Variants in B3GALT1 observed in about 807,000 individuals in gnomAD.
B3GALT1 encodes the protein beta-1,3-galactosyltransferase 1, also known as UDP-Gal:betaGlcNAc beta 1,3-galactosyltransferase, polypeptide 1.
A neutral mutation model predicts 23.2 loss-of-function variants in B3GALT1; 10 were observed. That is an observed-to-expected ratio of 0.43 (90% CI 0.27 to 0.73). The LOEUF is 0.73. Among genes scored for constraint, B3GALT1 ranks in the 30% least tolerant of loss-of-function variants. B3GALT1 has a pLI of 0.21. For missense variants in B3GALT1, 299 were observed against 405.4 expected (o/e 0.74, Z 2.25); for synonymous variants, 156 against 141.5 (o/e 1.10, Z -0.73).
chr2:167,607,570 A>G (rs1202703293), intron 2 of B3GALT1, among the ~76,000 whole-genome samples: 1 of 152,228 alleles, frequency 6.6e-6, no homozygotes, highest in African/African-American at 2.4e-5. Context: ...CGCAGGCAGG[A>G]GAAAGGAACA....
At position 167,755,039 on chromosome 2, in the gene B3GALT1, G is replaced by T. The variant is rs181440044; in HGVS notation, c.-351-63633G>T. On this transcript the variant is annotated intron_variant, in intron 3 of 4. Transcript: ENST00000392690. ...TAATGAGTATGTTGTAGGGGGCGGG[G>T]TGATGGTGCAGCCTAGAGCCATGCA... Among the ~76,000 whole-genome samples the T allele has an allele frequency of 1.8e-3, 271 of 152,256 alleles. 2 individuals are homozygous for T. The highest frequency in any genetic ancestry group is 6.3e-3 in the African/African-American group (263 of 41,552).
chr2:167,822,111 A>G (rs73021239), intron 4 of B3GALT1, among the ~76,000 whole-genome samples: 2,625 of 152,192 alleles, frequency 0.017, 77 homozygotes, highest in African/African-American at 0.06. Context: ...TCCCTCTAAA[A>G]ACCCTGCTTT....
At chr2:167,757,805 C>T (rs939144776) in intron 3 of B3GALT1, among the ~76,000 whole-genome samples, 4 of 152,092 alleles carry the variant, frequency 2.6e-5, no homozygotes, top group African/African-American at 9.7e-5. Flanking sequence ...CTTATAAAGC[C>T]AGCCCATAAT....
At chr2:167,818,387 A>G (rs1574279366) in intron 3 of B3GALT1, among the ~76,000 whole-genome samples, 1 of 151,958 alleles carries the variant, frequency 6.6e-6, no homozygotes, top group Non-Finnish European at 1.5e-5. Context: ...ACCATTCCTT[A>G]TTATCTCACA....
At chr2:167,348,500 A>G (rs1697259114) in intron 1 of B3GALT1, among the ~76,000 whole-genome samples, 1 of 152,198 alleles carries the variant, frequency 6.6e-6, no homozygotes, top group African/African-American at 2.4e-5. Flanking sequence ...GAAGTAATTG[A>G]TAAGAGTCTG....
Position 167,675,764 on chromosome 2 carries a change from T to G in B3GALT1, c.-352+28798T>G, listed in dbSNP as rs149973262. 8.5e-5 allele frequency among the ~76,000 whole-genome samples: 13 copies of G among 152,236 alleles called. No individual in the cohort carries two copies. In the East Asian group the frequency reaches 2.5e-3, roughly 29 times the overall value. ...TAAAATCATGCTTTTAAAAATACTTTGTGATTTCATGTGAAAACATTAGGT... is the reference window on the plus strand; with the variant it reads ...TAAAATCATGCTTTTAAAAATACTTGGTGATTTCATGTGAAAACATTAGGT... On this transcript the variant is annotated intron_variant, in intron 3 of 4. Transcript: ENST00000392690.
At chr2:167,845,754 C>T (rs1057160500) in intron 4 of B3GALT1, among the ~76,000 whole-genome samples, 7 of 151,800 alleles carry the variant, frequency 4.6e-5, no homozygotes, top group Admixed American at 6.6e-5. Flanking sequence ...GCAATGGATC[C>T]AAACCAAGAA....
intron 2 of B3GALT1, among the ~76,000 whole-genome samples, chr2:167,570,899 G>T (rs1684280203): frequency 6.6e-6 from 1 of 152,014 alleles, no homozygotes; most frequent in East Asian, 1.9e-4. Flanking sequence ...CAGTTAAAAA[G>T]AAATCTGTTC....
At chr2:167,649,947 A>G (rs1487086905) in intron 3 of B3GALT1, among the ~76,000 whole-genome samples, 1 of 152,002 alleles carries the variant, frequency 6.6e-6, no homozygotes, top group Non-Finnish European at 1.5e-5. Context: ...AATTTACAAT[A>G]CAATGTTGAA....
intron 2 of B3GALT1, among the ~76,000 whole-genome samples, chr2:167,500,940 G>A (rs1699840484): frequency 6.6e-6 from 1 of 151,936 alleles, no homozygotes; most frequent in Non-Finnish European, 1.5e-5. Context: ...ATACTATCTG[G>A]GATAGTGAGA....
intron 3 of B3GALT1, among the ~76,000 whole-genome samples, chr2:167,667,118 C>T (rs900118012): frequency 6.6e-6 from 1 of 151,972 alleles, no homozygotes; most frequent in Non-Finnish European, 1.5e-5. Flanking sequence ...TTAGCACTTC[C>T]TTCAGGAGCT....
intron 3 of B3GALT1, among the ~76,000 whole-genome samples, chr2:167,676,958 T>G (rs1686439873): frequency 6.6e-6 from 1 of 152,246 alleles, no homozygotes; most frequent in African/African-American, 2.4e-5. Context: ...TTGGTCCTGT[T>G]TCTTCCTTGA....
chr2:167,743,780 T>C (rs762447704), intron 3 of B3GALT1, among the ~76,000 whole-genome samples: 1 of 152,130 alleles, frequency 6.6e-6, no homozygotes, highest in Non-Finnish European at 1.5e-5. Context: ...CAACTTTGGC[T>C]GTGTTGACCA....
At chr2:167,684,257 A>G (rs1686581166) in intron 3 of B3GALT1, among the ~76,000 whole-genome samples, 1 of 152,208 alleles carries the variant, frequency 6.6e-6, no homozygotes, top group Non-Finnish European at 1.5e-5. Context: ...TGAATCAATG[A>G]TTTGTGTATG....
chr2:167,786,018 T>G (rs905714039), intron 3 of B3GALT1, among the ~76,000 whole-genome samples: 3 of 152,228 alleles, frequency 2.0e-5, no homozygotes, highest in Non-Finnish European at 2.9e-5. Context: ...TTTTCCCTGC[T>G]CATTTCCAGT....
At chr2:167,701,185 G>A (rs1272965273) in intron 3 of B3GALT1, among the ~76,000 whole-genome samples, 2 of 152,166 alleles carry the variant, frequency 1.3e-5, no homozygotes, top group Non-Finnish European at 2.9e-5. Context: ...CCAAGACTAA[G>A]AGTAGACAGA....
rs186045236 is a variant in B3GALT1, at chr2:167,714,001, G to A, written c.-352+67035G>A. 1,682 of 1,547,844 alleles carry A rather than the reference G, an allele frequency of 1.1e-3. 11 individuals are homozygous for A. The highest frequency in any genetic ancestry group is 1.1e-3 in the South Asian group (102 of 89,748). ...CAGCAAGAGGTGGAGGAATAAAGCC[G>A]GGGCCAGTTGCTTCATTTTCGGCAG... On this transcript the variant is annotated intron_variant, in intron 3 of 4. Coordinates refer to ENST00000392690, the MANE Select transcript of B3GALT1 (RefSeq NM_020981.4).
At chr2:167,658,948 G>A (rs1196335435) in intron 3 of B3GALT1, among the ~76,000 whole-genome samples, 1 of 152,046 alleles carries the variant, frequency 6.6e-6, no homozygotes, top group African/African-American at 2.4e-5. Flanking sequence ...TCATAAAGGT[G>A]ATTGCTAAGA....
At chr2:167,531,695 T>G (rs1683328915) in intron 2 of B3GALT1, among the ~76,000 whole-genome samples, 1 of 152,218 alleles carries the variant, frequency 6.6e-6, no homozygotes, top group Non-Finnish European at 1.5e-5. Flanking sequence ...CTTCTATGCA[T>G]ATTTTAACGT....
Sources: allele counts gnomAD v4.1 joint callset (sites outside exome capture counted in the v4.1 genomes callset), GRCh38; gene constraint gnomAD v4.1.1; transcripts MANE v1.5; gene names NCBI Gene and HGNC (gene_info 2026-07-23, HGNC 2026-07-21).